The following PTGES2 variants were observed in gnomAD, a reference collection of about 807,000 sequenced individuals.
PTGES2 encodes the protein GATE-binding factor 1.
In PTGES2, 35 loss-of-function variants were observed where a neutral mutation model predicts 44.5. The ratio of observed to expected loss-of-function variants is 0.79; its 90% CI spans 0.60 to 1.04. The LOEUF is 1.04. Ranked by LOEUF, PTGES2 falls within the 50% of genes least tolerant of loss-of-function variation. The pLI is 0.00. For synonymous variants in PTGES2, 221 were observed against 227.5 expected, an observed-to-expected ratio of 0.97 and a Z score of 0.26; for missense variants, 517 against 521.4, an observed-to-expected ratio of 0.99 and a Z score of 0.08.
In PTGES2 at chr9:128,123,208, A is replaced by C; in HGVS notation, c.687-74T>G. On this transcript the variant is annotated intron_variant, in intron 4 of 6. Coordinates refer to ENST00000338961, the MANE Select transcript of PTGES2 (RefSeq NM_025072.7). The surrounding 1 kb of genome is among the most constrained non-coding windows in gnomAD (Gnocchi z 4.4). ...GAGCAGGCTGCATTCTCTAGAACAT[A>C]CCCACTGCACGGGCGGGAAGCTGAA... The C allele has an allele frequency of 7.1e-7, 1 of 1,400,404 alleles. No homozygotes were observed. Among genetic ancestry groups the C allele is most frequent in the Non-Finnish European group, 9.8e-7 (1 of 1,017,254 alleles). 86.7% of individuals were successfully genotyped at this position (1,400,404 alleles called of 1,614,324 possible). A position where few individuals can be genotyped will look rare whatever the true frequency, so the allele number is the denominator to read the frequency against.
intron 1 of PTGES2, among the ~76,000 whole-genome samples, chr9:128,125,751 A>C (rs2130855402): frequency 6.6e-6 from 1 of 152,238 alleles, no homozygotes; most frequent in East Asian, 1.9e-4. Flanking sequence ...GGGACACCAG[A>C]CAGCCCCAGG....
Position 128,127,705 on chromosome 9 carries a change from C to T in PTGES2, c.13G>A (p.Ala5Thr). The T allele has an allele frequency of 1.6e-6, 2 of 1,279,364 alleles. No individual in the cohort carries two copies. The highest frequency in any genetic ancestry group is 3.1e-5 in the African/African-American group (2 of 64,610). 79.3% of individuals were successfully genotyped at this position (1,279,364 alleles called of 1,614,324 possible). The change falls in exon 1 of 7, where the codon GCG becomes ACG. Residue 5 changes from alanine to threonine, a missense_variant. Ala to Thr is a moderately conservative substitution (Grantham distance 58, BLOSUM62 0). Coordinates refer to ENST00000338961, the MANE Select transcript of PTGES2 (RefSeq NM_025072.7). ...GGCCACAGCGCCCGCACCACCCGCGCAGCCGGGTCCATGTTCGCTCCGCCG... is the reference window on the plus strand; with the variant it reads ...GGCCACAGCGCCCGCACCACCCGCGTAGCCGGGTCCATGTTCGCTCCGCCG... MDPA[A>T]RVVRALWPGG...
Position 128,123,551 on chromosome 9 carries a change from A to G in PTGES2, c.686+151T>C. The G allele has an allele frequency of 1.3e-6, 1 of 784,472 alleles. No individual in the cohort carries two copies. The highest frequency in any genetic ancestry group is 2.0e-6 in the Non-Finnish European group (1 of 507,300). 48.6% of individuals were successfully genotyped at this position (784,472 alleles called of 1,614,324 possible). A position where few individuals can be genotyped will look rare whatever the true frequency, so the allele number is the denominator to read the frequency against. Reference sequence around the variant, plus strand: ...GTGAGCCACCACGCCCGGCTGCAGGAAGGTCTCTACTGAAATCCGGCATGG... The same window carrying G: ...GTGAGCCACCACGCCCGGCTGCAGGGAGGTCTCTACTGAAATCCGGCATGG... On this transcript the variant is annotated intron_variant, in intron 4 of 6. Coordinates refer to ENST00000338961, the MANE Select transcript of PTGES2 (RefSeq NM_025072.7). This position sits in a 1 kb window ranked among gnomAD's most constrained non-coding sequence, Gnocchi z 4.4.
At chr9:128,127,769 A>T (rs7034404), upstream of PTGES2, 6 of 1,239,138 alleles carry the variant, frequency 4.8e-6, no homozygotes, top group Non-Finnish European at 6.1e-6. Flanking sequence ...ACGCCGAGGC[A>T]CGCGCGGCGT....
intron 2 of PTGES2, chr9:128,124,859 A>G (rs1015469604): frequency 1.6e-6 from 2 of 1,247,800 alleles, no homozygotes; most frequent in South Asian, 1.9e-5. Context: ...CAGGCATTTC[A>G]TATCTGCCGT....
chr9:128,121,293 G>T lies in PTGES2; in HGVS notation c.1006-20C>A. 3 of 1,600,024 alleles carry T rather than the reference G, an allele frequency of 1.9e-6. No individual in the cohort carries two copies. Among genetic ancestry groups the T allele is most frequent in the Non-Finnish European group, 2.6e-6 (3 of 1,170,100 alleles). ...CACCGCCTGGGGCACGAACAGAAACGTGTCACCATAGCTGGTTTGACAGGC... is the reference window on the plus strand; with the variant it reads ...CACCGCCTGGGGCACGAACAGAAACTTGTCACCATAGCTGGTTTGACAGGC... On this transcript the variant is annotated intron_variant, in intron 6 of 6. Coordinates refer to ENST00000338961, the MANE Select transcript of PTGES2 (RefSeq NM_025072.7).
chr9:128,125,494 CCCTGCCCCCAAGGG>C, intron 1 of PTGES2, 53 bp from the exon 2 acceptor site: 8 of 1,565,404 alleles, frequency 5.1e-6, no homozygotes, highest in Non-Finnish European at 7.0e-6. Flanking sequence ...CAGGCCCAGG[CCCTGCCCCCAAGGG>C]TGTTTTCCAG....
intron 2 of PTGES2, 127 bp from the exon 3 acceptor site, chr9:128,124,677 G>T: frequency 1.6e-6 from 2 of 1,279,898 alleles, no homozygotes; most frequent in South Asian, 1.4e-5. Flanking sequence ...AGTCCTCCCC[G>T]CCCTGCCCTC....
At chr9:128,128,182 T>C (rs41276226), upstream of PTGES2, 3,058 of 216,122 alleles carry the variant, frequency 0.014, 39 homozygotes, top group East Asian at 0.067. Flanking sequence ...GTGTTGCGGT[T>C]CTCTCTGCCC....
chr9:128,124,800 G>A (rs915086690), intron 2 of PTGES2: 6 of 1,299,118 alleles, frequency 4.6e-6, no homozygotes, highest in East Asian at 6.8e-5. Context: ...CCCAGGTAGA[G>A]GGGCAGGGTG....
At chr9:128,124,756 G>A in intron 2 of PTGES2, 1 of 1,342,552 alleles carries the variant, frequency 7.4e-7, no homozygotes, top group African/African-American at 1.5e-5. Flanking sequence ...AAAGCCGTGG[G>A]GTCTAAGCCC....
chr9:128,122,607 C>G, intron 5 of PTGES2, 128 bp from the exon 6 acceptor site: 1 of 749,346 alleles, frequency 1.3e-6, no homozygotes, highest in South Asian at 1.6e-5. Context: ...AGCATCACAT[C>G]TGCAGACGCC....
Position 128,125,357 on chromosome 9 carries a change from A to G in PTGES2, c.364T>C (p.Phe122Leu), listed in dbSNP as rs1208607119. ...FCSKVRAFLD[F>L]HALPYQVVEV... is the part of the protein sequence containing the mutation. ...ACCACCTGGTAGGGCAGGGCATGGA[A>G]GTCGAGGAAGGCTCGGACCTTGCTG... The change falls in exon 2 of 7, where the codon TTC becomes CTC. Residue 122 changes from phenylalanine (F) to leucine (L), a missense_variant. Physicochemically the swap from Phe to Leu is conservative, Grantham distance 22. Transcript: ENST00000338961. 6.2e-7 allele frequency: 1 copy of G among 1,614,026 alleles called. No homozygotes were observed. Among genetic ancestry groups the G allele is most frequent in the Non-Finnish European group, 8.5e-7 (1 of 1,180,010 alleles).
chr9:128,124,924 G>A (rs1421810682), intron 2 of PTGES2: 19 of 1,220,216 alleles, frequency 1.6e-5, no homozygotes, highest in Non-Finnish European at 1.9e-5. Flanking sequence ...CAAGCGCAGA[G>A]AGGCTAAGTG....
intron 1 of PTGES2, among the ~76,000 whole-genome samples, chr9:128,126,669 G>A (rs1003122383): frequency 6.6e-6 from 1 of 151,942 alleles, no homozygotes; most frequent in African/African-American, 2.4e-5. Flanking sequence ...GACCAGCTTG[G>A]CCAACATGGT....
Position 128,124,335 on chromosome 9 carries a change from C to T in PTGES2, c.536+157G>A, listed in dbSNP as rs191347282. Reference sequence around the variant, plus strand: ...CTGACCTCAGGTGATCTGCCTGCCTCGGCCTCCCAAAGTGCTGGGATTACA... The same window carrying T: ...CTGACCTCAGGTGATCTGCCTGCCTTGGCCTCCCAAAGTGCTGGGATTACA... On this transcript the variant is annotated intron_variant, in intron 3 of 6. Transcript: ENST00000338961. 6.8e-4 allele frequency: 380 copies of T among 556,232 alleles called. 4 individuals carry two copies. In the East Asian group the frequency reaches 9.7e-3, roughly 14 times the overall value. The allele number at this position is 556,232 out of a possible 1,614,324, so 34.5% of individuals were successfully genotyped here. A position where few individuals can be genotyped will look rare whatever the true frequency, so the allele number is the denominator to read the frequency against.
chr9:128,121,098 G>A lies in PTGES2; in HGVS notation c.*47C>T, dbSNP rs1232360272. On this transcript the variant is annotated 3_prime_UTR_variant, in exon 7 of 7. Coordinates refer to ENST00000338961, the MANE Select transcript of PTGES2 (RefSeq NM_025072.7). Reference sequence around the variant, plus strand: ...GCTGGCCCAGTGGCCCCAGGCCCTGGCAGCTGGCGTCTTCCGCTGCCTTCC... The same window carrying A: ...GCTGGCCCAGTGGCCCCAGGCCCTGACAGCTGGCGTCTTCCGCTGCCTTCC... The A allele has an allele frequency of 4.5e-6, 7 of 1,553,630 alleles. No homozygotes were observed. The highest frequency in any genetic ancestry group is 2.4e-5 in the East Asian group (1 of 41,324).
rs1374792843 is a variant in PTGES2 at position 128,124,430 on chromosome 9, G to A, written c.536+62C>T. On this transcript the variant is annotated intron_variant, in intron 3 of 6. Transcript: ENST00000338961. Reference sequence around the variant, plus strand: ...CGTGCTCCCAGGAGGGAACTCAGGGGAGGCCTCCCTGGAGGAAGCCACCAA... The same window carrying A: ...CGTGCTCCCAGGAGGGAACTCAGGGAAGGCCTCCCTGGAGGAAGCCACCAA... 6 of 1,490,734 alleles carry A rather than the reference G, an allele frequency of 4.0e-6. No homozygotes were observed. In the African/African-American group the frequency reaches 8.3e-5, roughly 21 times the overall value. 92.3% of individuals were successfully genotyped at this position (1,490,734 alleles called of 1,614,324 possible).
In PTGES2 at chr9:128,123,227, A is replaced by T; in HGVS notation, c.687-93T>A. The T allele has an allele frequency of 8.2e-7, 1 of 1,221,728 alleles. No homozygotes were observed. 75.7% of individuals were successfully genotyped at this position (1,221,728 alleles called of 1,614,324 possible). ...GAACATACCCACTGCACGGGCGGGAAGCTGAAGCCTGAGCAGGAAGGTCTT... is the reference window on the plus strand; with the variant it reads ...GAACATACCCACTGCACGGGCGGGATGCTGAAGCCTGAGCAGGAAGGTCTT... On this transcript the variant is annotated intron_variant, in intron 4 of 6. Transcript: ENST00000338961. This position sits in a 1 kb window ranked among gnomAD's most constrained non-coding sequence, Gnocchi z 4.4.
Sources: allele counts gnomAD v4.1 joint callset (sites outside exome capture counted in the v4.1 genomes callset), GRCh38; gene constraint gnomAD v4.1.1; non-coding constraint Gnocchi (gnomAD v3.1); transcripts MANE v1.5; gene names NCBI Gene and HGNC (gene_info 2026-07-23, HGNC 2026-07-21).